Variants in COP1 observed in about 807,000 individuals in gnomAD.
The protein encoded by COP1 is COP1 E3 ubiquitin ligase, also known as E3 ubiquitin-protein ligase COP1.
In COP1, 24 loss-of-function variants were observed where a neutral mutation model predicts 101.3. The ratio of observed to expected loss-of-function variants is 0.24; its 90% CI spans 0.17 to 0.33. The LOEUF (loss-of-function observed/expected upper bound fraction) is 0.33, where lower values mean the gene tolerates loss of function less well. Among genes scored for constraint, COP1 ranks in the 10% least tolerant of loss-of-function variants. The probability of loss-of-function intolerance (pLI) is 1.00; values close to 1 mark genes in which losing one functional copy is unlikely to be tolerated. For missense variants in COP1, 663 were observed against 906.2 expected (o/e 0.73, Z 3.45); for synonymous variants, 347 against 341.9 (o/e 1.01, Z -0.17).
intron 11 of COP1, among the ~76,000 whole-genome samples, chr1:176,061,552 G>A (rs1299248764): frequency 2.0e-5 from 3 of 152,156 alleles, no homozygotes; most frequent in South Asian, 2.1e-4. Context: ...CTTGAACCCC[G>A]GAGGCAGAGG....
At chr1:176,037,445 C>T (rs536963860) in intron 14 of COP1, among the ~76,000 whole-genome samples, 7 of 147,380 alleles carry the variant, frequency 4.7e-5, no homozygotes, top group Non-Finnish European at 1.0e-4. Flanking sequence ...ACACATAGCA[C>T]ATAGAAGAGG....
intron 9 of COP1, among the ~76,000 whole-genome samples, chr1:176,106,308 G>A (rs1239115430): frequency 6.6e-6 from 1 of 152,172 alleles, no homozygotes; most frequent in Non-Finnish European, 1.5e-5. Context: ...TGGGATTACA[G>A]GTGTGGGCCA....
intron 11 of COP1, among the ~76,000 whole-genome samples, chr1:176,057,681 G>A (rs1037226648): frequency 1.3e-5 from 2 of 152,098 alleles, no homozygotes; most frequent in African/African-American, 4.8e-5. Context: ...ATCTCGGCTC[G>A]CTACAACCTC....
chr1:176,202,185 CTTTT>C (rs11367274), intron 1 of COP1, among the ~76,000 whole-genome samples: 3 of 96,388 alleles, frequency 3.1e-5, no homozygotes, highest in South Asian at 3.4e-4. Context: ...TTCTAGTTCA[CTTTT>C]TTTTTTTTTT....
chr1:176,115,633 C>T (rs928523865), intron 9 of COP1, among the ~76,000 whole-genome samples: 2 of 151,556 alleles, frequency 1.3e-5, no homozygotes, highest in East Asian at 3.9e-4. Flanking sequence ...CCTGTAGTCC[C>T]GACTACTTGG....
intron 15 of COP1, among the ~76,000 whole-genome samples, chr1:175,992,138 T>C (rs570547051): frequency 5.3e-5 from 8 of 152,236 alleles, no homozygotes; most frequent in African/African-American, 1.9e-4. Context: ...TGAGATGTTT[T>C]GATACAGGCA....
chr1:176,006,388 A>C (rs1386173203), intron 15 of COP1, among the ~76,000 whole-genome samples: 1 of 152,140 alleles, frequency 6.6e-6, no homozygotes, highest in Non-Finnish European at 1.5e-5. Flanking sequence ...TGATCCTGTC[A>C]TTATGATGTT....
At chr1:175,990,064 T>C (rs1658036936) in intron 15 of COP1, among the ~76,000 whole-genome samples, 1 of 151,992 alleles carries the variant, frequency 6.6e-6, no homozygotes, top group African/African-American at 2.4e-5. Flanking sequence ...TTTGTTATTC[T>C]TTTTAAAGAC....
At chr1:176,186,372 A>G (rs1001101303) in intron 1 of COP1, among the ~76,000 whole-genome samples, 6 of 151,852 alleles carry the variant, frequency 4.0e-5, no homozygotes, top group Non-Finnish European at 7.4e-5. Flanking sequence ...AAAACACAAA[A>G]ACTAGCAAGC....
At chr1:176,198,149 A>G (rs1245565246) in intron 1 of COP1, among the ~76,000 whole-genome samples, 1 of 152,196 alleles carries the variant, frequency 6.6e-6, no homozygotes, top group East Asian at 1.9e-4. Flanking sequence ...CGCTAATCCT[A>G]AGATTTATGT....
chr1:176,034,474 A>G (rs1669153473), intron 14 of COP1, among the ~76,000 whole-genome samples: 1 of 152,160 alleles, frequency 6.6e-6, no homozygotes, highest in Admixed American at 6.5e-5. Flanking sequence ...TATTTTTCTT[A>G]TTTATTCTCT....
chr1:176,104,824 A>G (rs1037072079), intron 9 of COP1, among the ~76,000 whole-genome samples: 3 of 152,272 alleles, frequency 2.0e-5, no homozygotes, highest in Middle Eastern at 3.4e-3. Flanking sequence ...ATAATATGAA[A>G]ATACATAGGC....
At chr1:176,142,016 C>A (rs1267162487) in intron 6 of COP1, among the ~76,000 whole-genome samples, 1 of 152,042 alleles carries the variant, frequency 6.6e-6, no homozygotes, top group East Asian at 1.9e-4. Context: ...CAGGCATGAG[C>A]CACTGTGCCC....
intron 9 of COP1, among the ~76,000 whole-genome samples, chr1:176,102,779 T>C (rs534517959): frequency 1.3e-5 from 2 of 152,308 alleles, no homozygotes; most frequent in South Asian, 4.1e-4. Flanking sequence ...GCTTGAGATA[T>C]TTTGCAGACC....
chr1:176,018,876 T>G (rs1349035608), intron 15 of COP1: 2 of 151,380 alleles, frequency 1.3e-5, no homozygotes. Context: ...TTTTAATGCT[T>G]AATTCCAGGC....
Position 176,037,563 on chromosome 1 carries a change from CAAAA to C in COP1, c.1612+5619_1612+5622del, listed in dbSNP as rs907485341. Among the ~76,000 whole-genome samples, 22 of 148,750 alleles carry C rather than the reference CAAAA, an allele frequency of 1.5e-4. No individual in the cohort carries two copies. The South Asian group carries it at 3.6e-3, about 25-fold the overall frequency. On this transcript the variant is annotated intron_variant, in intron 14 of 19. Transcript: ENST00000367669. ...TCACCCTCTGAAAAAAACAAACAAA[CAAAA>C]AAACCTCAAGTCAAATCTAGAAATA...
chr1:176,160,131 C>T (rs2202912), intron 5 of COP1: 1 of 217,390 alleles, frequency 4.6e-6, no homozygotes, highest in Non-Finnish European at 9.3e-6. Context: ...AACTGTGTTT[C>T]TTCAATTCGA....
chr1:176,074,378 C>T (rs532324499), intron 11 of COP1, among the ~76,000 whole-genome samples: 1 of 152,036 alleles, frequency 6.6e-6, no homozygotes, highest in South Asian at 2.1e-4. Flanking sequence ...TTTTTCACAC[C>T]TTCATTTCTT....
At chr1:176,130,947 G>A (rs1688779552) in intron 8 of COP1, among the ~76,000 whole-genome samples, 1 of 151,668 alleles carries the variant, frequency 6.6e-6, no homozygotes, top group African/African-American at 2.4e-5. Flanking sequence ...AATTTTTTAG[G>A]GAAATGGCAT....
Sources: gnomAD v4.1 joint callset for allele counts (sites outside exome capture counted in the v4.1 genomes callset) on GRCh38, gnomAD v4.1.1 for gene constraint, MANE v1.5 for transcripts, NCBI Gene and HGNC (gene_info 2026-07-23, HGNC 2026-07-21) for gene names.